The following PTPRD variants were observed in gnomAD, a reference collection of about 807,000 sequenced individuals.
PTPRD encodes the protein receptor-type tyrosine-protein phosphatase delta.
A neutral mutation model predicts 214.5 loss-of-function variants in PTPRD; 34 were observed. The observed-to-expected ratio is 0.16, with a 90% CI of 0.12 to 0.21. The LOEUF (loss-of-function observed/expected upper bound fraction) is 0.21, where lower values mean the gene tolerates loss of function less well. Among genes scored for constraint, PTPRD ranks in the 10% least tolerant of loss-of-function variants. The pLI is 1.00. For synonymous variants in PTPRD, 1,128 were observed against 845.7 expected (o/e 1.33, Z -5.79); for missense variants, 2,545 against 2,398.7 (o/e 1.06, Z -1.27).
At position 10,097,257 on chromosome 9, in the gene PTPRD, T is replaced by G. The variant is rs569412207; in HGVS notation, c.-544-63467A>C. ...GTTCCATATGAACTTTAAAGTAGTT[T>G]TTTCCAATTCTGTGAAGAAAGTCAT... On this transcript the variant is annotated intron_variant, in intron 3 of 45. Coordinates refer to ENST00000381196, the MANE Select transcript of PTPRD (RefSeq NM_002839.4). Among the ~76,000 whole-genome samples the G allele has an allele frequency of 1.4e-3, 206 of 147,752 alleles. 1 individual carries two copies. The highest frequency in any genetic ancestry group is 4.7e-3 in the African/African-American group (188 of 39,642).
At chr9:9,512,051 T>A (rs1227528123) in intron 8 of PTPRD, among the ~76,000 whole-genome samples, 1 of 151,802 alleles carries the variant, frequency 6.6e-6, no homozygotes, top group Non-Finnish European at 1.5e-5. Context: ...TGGAAGTAAC[T>A]TCAATCCAGT....
At chr9:9,107,953 C>A (rs917385924) in intron 10 of PTPRD, among the ~76,000 whole-genome samples, 34 of 152,076 alleles carry the variant, frequency 2.2e-4, no homozygotes, top group African/African-American at 8.2e-4. Flanking sequence ...TTACACATGA[C>A]AAATGTTCAA....
intron 10 of PTPRD, among the ~76,000 whole-genome samples, chr9:9,130,043 G>A (rs2099840264): frequency 6.6e-6 from 1 of 152,046 alleles, no homozygotes; most frequent in East Asian, 1.9e-4. Flanking sequence ...GTTATACATT[G>A]CTATCATTTT....
intron 3 of PTPRD, among the ~76,000 whole-genome samples, chr9:10,058,570 T>G (rs780825571): frequency 6.6e-6 from 1 of 152,126 alleles, no homozygotes; most frequent in Non-Finnish European, 1.5e-5. Context: ...CTGAATATCA[T>G]GGATCCTGCT....
At chr9:9,322,208 G>C (rs923245465) in intron 9 of PTPRD, among the ~76,000 whole-genome samples, 1 of 152,140 alleles carries the variant, frequency 6.6e-6, no homozygotes, top group Admixed American at 6.6e-5. Flanking sequence ...TTCCAAACCA[G>C]TAGAGTCCTA....
In PTPRD at chr9:8,545,593, G is replaced by A. The variant is rs76007978; in HGVS notation, c.353-16814C>T. Among the ~76,000 whole-genome samples, 924 of 152,224 alleles carry A rather than the reference G, an allele frequency of 6.1e-3. 7 individuals are homozygous for A. The highest frequency in any genetic ancestry group is 9.7e-3 in the Non-Finnish European group (663 of 68,014). On this transcript the variant is annotated intron_variant, in intron 14 of 45. Transcript: ENST00000381196. ...AAGGCAAGGACTATACAGATCAACT[G>A]TTTTACAGTCAAAGTCATGCTCTTT...
intron 2 of PTPRD, among the ~76,000 whole-genome samples, chr9:10,530,377 A>G (rs1223973376): frequency 1.3e-5 from 2 of 152,214 alleles, no homozygotes; most frequent in Non-Finnish European, 2.9e-5. Flanking sequence ...AAGAAATGCA[A>G]AAAGTTTAAA....
At chr9:9,733,214 G>A (rs1421866981) in intron 7 of PTPRD, among the ~76,000 whole-genome samples, 1 of 152,106 alleles carries the variant, frequency 6.6e-6, no homozygotes, top group East Asian at 1.9e-4. Context: ...CAAATATAAG[G>A]AATAAGACAG....
intron 5 of PTPRD, among the ~76,000 whole-genome samples, chr9:9,793,174 G>A (rs1199145222): frequency 1.3e-5 from 2 of 151,954 alleles, no homozygotes; most frequent in Admixed American, 6.6e-5. Flanking sequence ...ATTATTTTTA[G>A]TCTCCTATAT....
At chr9:8,645,730 T>G (rs1225770126) in intron 12 of PTPRD, among the ~76,000 whole-genome samples, 3 of 138,618 alleles carry the variant, frequency 2.2e-5, no homozygotes, top group Non-Finnish European at 4.7e-5. Context: ...ACTTGCACTT[T>G]CTATCAATGT....
intron 27 of PTPRD, among the ~76,000 whole-genome samples, chr9:8,486,716 T>TTTATTATTAAATA (rs1377370655): frequency 6.6e-6 from 1 of 152,232 alleles, no homozygotes; most frequent in Non-Finnish European, 1.5e-5. Flanking sequence ...AGAATAACTA[T>TTTATTATTAAATA]AATGATTATT....
In PTPRD at chr9:9,256,057, T is replaced by C. The variant is rs185158365; in HGVS notation, c.-202-72694A>G. 4.4e-3 allele frequency among the ~76,000 whole-genome samples: 666 copies of C among 152,086 alleles called. 2 individuals are homozygous for C. The highest frequency in any genetic ancestry group is 0.015 in the African/African-American group (639 of 41,546). On this transcript the variant is annotated intron_variant, in intron 9 of 45. Coordinates refer to ENST00000381196, the MANE Select transcript of PTPRD (RefSeq NM_002839.4). ...TATTGAACTTTAGAATAGCAAGACA[T>C]CTCAAACTTCACCCACTTGCCATCT...
intron 9 of PTPRD, among the ~76,000 whole-genome samples, chr9:9,310,390 G>C (rs1958561829): frequency 6.6e-6 from 1 of 151,972 alleles, no homozygotes; most frequent in Admixed American, 6.6e-5. Context: ...GCCCTGCTTG[G>C]GGTTTCTTCT....
chr9:8,795,581 A>C (rs12685836), intron 11 of PTPRD, among the ~76,000 whole-genome samples: 25,290 of 152,162 alleles, frequency 0.17, 2,472 homozygotes, highest in East Asian at 0.41. Context: ...CTGATAGATG[A>C]AAACTTTTGG....
chr9:10,093,999 T>C (rs2098458648), intron 3 of PTPRD, among the ~76,000 whole-genome samples: 1 of 151,340 alleles, frequency 6.6e-6, no homozygotes, highest in African/African-American at 2.4e-5. Context: ...GCTCACTACC[T>C]GGGTGATAGG....
intron 10 of PTPRD, among the ~76,000 whole-genome samples, chr9:9,105,715 CA>C (rs1210376505): frequency 6.6e-6 from 1 of 152,184 alleles, no homozygotes; most frequent in Non-Finnish European, 1.5e-5. Flanking sequence ...GAGAGAGCTA[CA>C]CACTGAAAAT....
At chr9:9,765,808 C>T (rs1414358120) in intron 6 of PTPRD, among the ~76,000 whole-genome samples, 1 of 151,890 alleles carries the variant, frequency 6.6e-6, no homozygotes, top group Non-Finnish European at 1.5e-5. Context: ...CTACAGGCAC[C>T]CACCACCACC....
chr9:9,527,890 CA>C (rs2154261295), intron 8 of PTPRD, among the ~76,000 whole-genome samples: 1 of 152,290 alleles, frequency 6.6e-6, no homozygotes, highest in African/African-American at 2.4e-5. Flanking sequence ...AATGTAATAA[CA>C]AAGACTCTTC....
intron 2 of PTPRD, among the ~76,000 whole-genome samples, chr9:10,491,799 G>A (rs972412892): frequency 3.3e-5 from 5 of 151,814 alleles, no homozygotes; most frequent in Non-Finnish European, 5.9e-5. Flanking sequence ...GTGCCATGGT[G>A]GTTTGCTGCA....
Sources: allele counts gnomAD v4.1 joint callset (sites outside exome capture counted in the v4.1 genomes callset), GRCh38; gene constraint gnomAD v4.1.1; transcripts MANE v1.5; gene names NCBI Gene and HGNC (gene_info 2026-07-23, HGNC 2026-07-21).